VAV3: variants seen among roughly 807,000 people sequenced by gnomAD.
VAV3 encodes guanine nucleotide exchange factor VAV3.
In VAV3, 94 loss-of-function variants were observed where a neutral mutation model predicts 131.2. The observed-to-expected ratio is 0.72, with a 90% CI of 0.61 to 0.85. VAV3 has a LOEUF of 0.85. Among genes scored for constraint, VAV3 ranks in the 40% least tolerant of loss-of-function variants. The probability of loss-of-function intolerance (pLI) is 0.00; values close to 1 mark genes in which losing one functional copy is unlikely to be tolerated. For missense variants in VAV3, 939 were observed against 1,002.7 expected, an observed-to-expected ratio of 0.94 and a Z score of 0.86; for synonymous variants, 349 against 342.0, an observed-to-expected ratio of 1.02 and a Z score of -0.22.
intron 2 of VAV3, among the ~76,000 whole-genome samples, chr1:107,854,911 T>C (rs1669399324): frequency 6.6e-6 from 1 of 152,210 alleles, no homozygotes; most frequent in Non-Finnish European, 1.5e-5. Flanking sequence ...CACAATGGTG[T>C]TCCTGCTTAG....
chr1:107,787,731 TA>T (rs1317316617), intron 2 of VAV3, among the ~76,000 whole-genome samples: 1 of 152,212 alleles, frequency 6.6e-6, no homozygotes, highest in East Asian at 1.9e-4. Flanking sequence ...ATATATTTCT[TA>T]TTTGATTAAA....
intron 15 of VAV3, among the ~76,000 whole-genome samples, chr1:107,718,983 C>T (rs1557789391): frequency 6.6e-6 from 1 of 152,184 alleles, no homozygotes; most frequent in Non-Finnish European, 1.5e-5. Context: ...ATAAATGGTG[C>T]TGGGAAAACT....
At chr1:107,856,064 GCA>G (rs1249527664) in intron 2 of VAV3, among the ~76,000 whole-genome samples, 1 of 152,182 alleles carries the variant, frequency 6.6e-6, no homozygotes, top group Non-Finnish European at 1.5e-5. Context: ...ACCACCCCAT[GCA>G]CACTCATAAG....
intron 20 of VAV3, among the ~76,000 whole-genome samples, chr1:107,636,309 A>T (rs1415622726): frequency 1.3e-5 from 2 of 152,190 alleles, no homozygotes; most frequent in African/African-American, 4.8e-5. Flanking sequence ...TGGGCCATAA[A>T]ATAATTCTAA....
intron 3 of VAV3, among the ~76,000 whole-genome samples, chr1:107,778,127 AT>A (rs1665469768): frequency 6.6e-6 from 1 of 152,222 alleles, no homozygotes; most frequent in African/African-American, 2.4e-5. Flanking sequence ...CAGAGGATCC[AT>A]CAAAATAATA....
At chr1:107,738,545 G>C (rs1188209037) in intron 15 of VAV3, among the ~76,000 whole-genome samples, 2 of 152,080 alleles carry the variant, frequency 1.3e-5, no homozygotes, top group Non-Finnish European at 2.9e-5. Flanking sequence ...CAACTAGCCT[G>C]CTATTGTCTA....
intron 2 of VAV3, among the ~76,000 whole-genome samples, chr1:107,834,981 T>G (rs1005502526): frequency 2.6e-5 from 4 of 152,110 alleles, no homozygotes; most frequent in African/African-American, 9.7e-5. Flanking sequence ...AGCTCCAGCC[T>G]GCATGGAACC....
chr1:107,732,783 G>C (rs1353176823), intron 15 of VAV3, among the ~76,000 whole-genome samples: 1 of 152,200 alleles, frequency 6.6e-6, no homozygotes, highest in Non-Finnish European at 1.5e-5. Context: ...TCTGGGGGCA[G>C]GGCATAGCTG....
intron 1 of VAV3, among the ~76,000 whole-genome samples, chr1:107,881,900 T>A (rs750308656): frequency 3.3e-5 from 5 of 152,196 alleles, no homozygotes; most frequent in Non-Finnish European, 5.9e-5. Context: ...GTCAAACTGC[T>A]AAAGTTCACT....
intron 15 of VAV3, among the ~76,000 whole-genome samples, chr1:107,734,763 C>T (rs774099505): frequency 1.6e-4 from 25 of 152,220 alleles, no homozygotes; most frequent in Middle Eastern, 3.4e-3. Context: ...CAATAGGAGA[C>T]TTTAACACCC....
In VAV3 at chr1:107,843,405, GTTA is replaced by G. The variant is rs1224850309; in HGVS notation, c.321+31493_321+31495del. 1.2e-4 allele frequency among the ~76,000 whole-genome samples: 18 copies of G among 145,354 alleles called. No homozygotes were observed. In the South Asian group the frequency reaches 1.7e-3, roughly 14 times the overall value. On this transcript the variant is annotated intron_variant, in intron 2 of 26. Transcript: ENST00000370056. ...ATATATATATAGTTAATAAACATTA[GTTA>G]TTATCAGTTCTAGTGGTAGCTCAAA... is the stretch of plus-strand genomic sequence containing the variant.
chr1:107,830,760 G>A (rs1474846820), intron 2 of VAV3, among the ~76,000 whole-genome samples: 1 of 152,116 alleles, frequency 6.6e-6, no homozygotes, highest in Non-Finnish European at 1.5e-5. Context: ...GCAATCACAG[G>A]GTGACAACTA....
chr1:107,791,133 G>A (rs1269867543), intron 2 of VAV3, among the ~76,000 whole-genome samples: 2 of 152,072 alleles, frequency 1.3e-5, no homozygotes. Context: ...TCCTAACTCT[G>A]GGCATGTTTG....
At chr1:107,896,239 C>A (rs1317639860) in intron 1 of VAV3, among the ~76,000 whole-genome samples, 1 of 152,146 alleles carries the variant, frequency 6.6e-6, no homozygotes, top group Non-Finnish European at 1.5e-5. Context: ...AAAAAGAAAT[C>A]AATTGATAAA....
intron 1 of VAV3, among the ~76,000 whole-genome samples, chr1:107,927,915 G>C (rs1243676941): frequency 6.6e-6 from 1 of 152,088 alleles, no homozygotes; most frequent in Non-Finnish European, 1.5e-5. Flanking sequence ...AGGACACCAG[G>C]GCCTTGAAAG....
chr1:107,644,971 C>T (rs1655632431), intron 19 of VAV3, among the ~76,000 whole-genome samples: 1 of 104,174 alleles, frequency 9.6e-6, no homozygotes, highest in African/African-American at 2.9e-5. Context: ...AGAGTATACA[C>T]TAGTATACTC....
At chr1:107,875,438 A>G (rs1448211941) in intron 1 of VAV3, among the ~76,000 whole-genome samples, 1 of 152,124 alleles carries the variant, frequency 6.6e-6, no homozygotes, top group African/African-American at 2.4e-5. Context: ...GGTGGAGCAG[A>G]GATCTGAGGT....
At chr1:107,653,568 A>G (rs1305863409) in intron 19 of VAV3, among the ~76,000 whole-genome samples, 1 of 152,068 alleles carries the variant, frequency 6.6e-6, no homozygotes. Context: ...TTTTATTTGA[A>G]GTTTTCCTCC....
At chr1:107,799,542 A>G (rs1274968769) in intron 2 of VAV3, among the ~76,000 whole-genome samples, 2 of 152,036 alleles carry the variant, frequency 1.3e-5, no homozygotes, top group African/African-American at 2.4e-5. Context: ...TCCACCAATA[A>G]TTTTTCCTTG....
Sources: allele counts gnomAD v4.1 joint callset (sites outside exome capture counted in the v4.1 genomes callset), GRCh38; gene constraint gnomAD v4.1.1; transcripts MANE v1.5; gene names NCBI Gene and HGNC (gene_info 2026-07-23, HGNC 2026-07-21).